Variants in PIN4 observed in about 807,000 individuals in gnomAD.
The protein encoded by PIN4 is peptidyl-prolyl cis-trans isomerase NIMA-interacting 4.
Under a neutral mutation model 8.3 loss-of-function variants are expected in PIN4, and 3 were observed. The ratio of observed to expected loss-of-function variants is 0.36; its 90% CI spans 0.16 to 0.93. PIN4 has a LOEUF of 0.93. Among genes scored for constraint, PIN4 ranks in the 40% least tolerant of loss-of-function variants. PIN4 has a pLI of 0.44. For synonymous variants in PIN4, 18 were observed against 32.5 expected, an observed-to-expected ratio of 0.55 and a Z score of 1.52; for missense variants, 75 against 100.6, an observed-to-expected ratio of 0.75 and a Z score of 1.09.
At chrX:72,262,103 C>T (rs1055316344) in intron 3 of PIN4, among the ~76,000 whole-genome samples, 1 of 111,878 alleles carries the variant, frequency 8.9e-6, no homozygotes. Context: ...AAGAGCACCT[C>T]GTGCTTCCCT....
At chrX:72,239,765 C>A (rs185945629) in intron 3 of PIN4, among the ~76,000 whole-genome samples, 1,405 of 84,509 alleles carry the variant, frequency 0.017, 16 homozygotes, top group Non-Finnish European at 0.024. Context: ...AAGCGAGACT[C>A]CATCTCAAAA....
At chrX:72,249,174 A>G (rs2043078145) in intron 3 of PIN4, among the ~76,000 whole-genome samples, 1 of 112,612 alleles carries the variant, frequency 8.9e-6, no homozygotes, top group African/African-American at 3.2e-5. Context: ...CTCATGAGAC[A>G]GGATATATGA....
At position 72,207,945 on chromosome X, in the gene PIN4, A is replaced by G. The variant is rs768633896; in HGVS notation, c.312+11041A>G. 5 of 1,209,891 alleles carry G rather than the reference A, an allele frequency of 4.1e-6. No individual in the cohort carries two copies. The East Asian group carries it at 8.9e-5, about 21-fold the overall frequency. Reference sequence around the variant, plus strand: ...ATGTTCCCAGCAGGGACCCTTGACAAGCAAAATCAAATAGGGACCATAGTT... The same window carrying G: ...ATGTTCCCAGCAGGGACCCTTGACAGGCAAAATCAAATAGGGACCATAGTT... On this transcript the variant is annotated intron_variant, in intron 3 of 3. Coordinates refer to the PIN4 transcript ENST00000423432.
intron 3 of PIN4, among the ~76,000 whole-genome samples, chrX:72,226,976 A>T (rs759015482): frequency 5.4e-5 from 6 of 112,025 alleles, no homozygotes; most frequent in Non-Finnish European, 1.1e-4. Context: ...GCCATTTCCC[A>T]TCAATGTTCT....
In PIN4 at chrX:72,245,862, T is replaced by A. The variant is rs372756319; in HGVS notation, c.313-16845T>A. Among the ~76,000 whole-genome samples, 6 of 111,768 alleles carry A rather than the reference T, an allele frequency of 5.4e-5. No homozygotes were observed. The East Asian group carries it at 1.7e-3, about 32-fold the overall frequency. Reference sequence around the variant, plus strand: ...TCTTTGCCCTAAGTTTCACAGTCTTTGATGAAAGCCTTCTAAACCTGCCTT... The same window carrying A: ...TCTTTGCCCTAAGTTTCACAGTCTTAGATGAAAGCCTTCTAAACCTGCCTT... On this transcript the variant is annotated intron_variant, in intron 3 of 3. Transcript: ENST00000423432.
intron 3 of PIN4, 177 bp from the exon 4 acceptor site, chrX:72,197,191 T>C (rs1432119010): frequency 4.3e-6 from 2 of 464,172 alleles, no homozygotes; most frequent in Non-Finnish European, 7.4e-6. Context: ...AGAGTACTTA[T>C]GTGTTCAGTC....
chrX:72,223,118 C>T (rs2042934163), intron 3 of PIN4, among the ~76,000 whole-genome samples: 1 of 100,078 alleles, frequency 1.0e-5, no homozygotes, highest in Non-Finnish European at 2.0e-5. Flanking sequence ...AGGCGGATCA[C>T]GAGGTCAAGA....
At chrX:72,261,307 A>C (rs1232000756) in intron 3 of PIN4, among the ~76,000 whole-genome samples, 3 of 109,029 alleles carry the variant, frequency 2.8e-5, no homozygotes, top group Non-Finnish European at 5.7e-5. Flanking sequence ...AAAAAAAAAA[A>C]AAAAAAAACC....
intron 3 of PIN4, among the ~76,000 whole-genome samples, chrX:72,241,416 C>T (rs1053567528): frequency 2.7e-5 from 3 of 111,901 alleles, no homozygotes; most frequent in African/African-American, 9.8e-5. Flanking sequence ...AGCAACAAGG[C>T]ACCATCTTGG....
intron 3 of PIN4, among the ~76,000 whole-genome samples, chrX:72,258,007 G>A (rs1270372518): frequency 5.4e-5 from 6 of 111,519 alleles, no homozygotes; most frequent in Non-Finnish European, 9.4e-5. Context: ...GGCTCTGTTA[G>A]GCAGAAAAGA....
At chrX:72,263,757 CCCA>C (rs2043148824) in exon 4 of PIN4, 5 of 111,346 alleles carry the variant, frequency 4.5e-5, no homozygotes, top group Middle Eastern at 4.6e-3. Context: ...TGGAGGAGTG[CCCA>C]TGTGAGGGGT....
chrX:72,232,911 TG>T (rs779584997), intron 3 of PIN4, among the ~76,000 whole-genome samples: 1 of 110,570 alleles, frequency 9.0e-6, no homozygotes, highest in East Asian at 2.8e-4. Flanking sequence ...AAGACCAGCC[TG>T]GGCAACATAG....
At chrX:72,185,332 A>G (rs1221177530) in intron 1 of PIN4, among the ~76,000 whole-genome samples, 2 of 108,880 alleles carry the variant, frequency 1.8e-5, no homozygotes, top group African/African-American at 3.3e-5. Context: ...TACACATACC[A>G]TGTCGTTTCC....
At chrX:72,234,124 A>G (rs774181798) in intron 3 of PIN4, among the ~76,000 whole-genome samples, 1 of 111,916 alleles carries the variant, frequency 8.9e-6, no homozygotes, top group African/African-American at 3.2e-5. Context: ...AAAAAAAAGA[A>G]TATGTTCTTT....
At chrX:72,236,745 C>T (rs1195149064) in intron 3 of PIN4, among the ~76,000 whole-genome samples, 1 of 112,026 alleles carries the variant, frequency 8.9e-6, no homozygotes, top group Non-Finnish European at 1.9e-5. Flanking sequence ...TTGAATGACA[C>T]TGGTTCATTC....
At chrX:72,222,839 A>G (rs7051881) in intron 3 of PIN4, among the ~76,000 whole-genome samples, 43,552 of 103,445 alleles carry the variant, frequency 0.42, 8,795 homozygotes, top group East Asian at 0.98. Flanking sequence ...CTCGTGATCC[A>G]CCCGCCTCGG....
chrX:72,259,728 T>C (rs1334248293), intron 3 of PIN4, among the ~76,000 whole-genome samples: 3 of 87,766 alleles, frequency 3.4e-5, no homozygotes, highest in Admixed American at 1.3e-4. Flanking sequence ...CATATCCTTT[T>C]TTTTTTTTTT....
At chrX:72,194,671 C>T (rs765582582) in intron 2 of PIN4, among the ~76,000 whole-genome samples, 20 of 99,338 alleles carry the variant, frequency 2.0e-4, no homozygotes, top group Non-Finnish European at 2.6e-4. Context: ...CATTGCACTC[C>T]AGCCTGGGCA....
chrX:72,245,345 T>C lies in PIN4; in HGVS notation c.313-17362T>C, dbSNP rs1430807844. ...CACCACATCCACCTAATTTTTTTAA[T>C]ACTTTGTAGAGACAGAGTCTTGCTA... On this transcript the variant is annotated intron_variant, in intron 3 of 3. Coordinates refer to the PIN4 transcript ENST00000423432. Among the ~76,000 whole-genome samples, 6 of 110,274 alleles carry C rather than the reference T, an allele frequency of 5.4e-5. No homozygotes were observed. In the East Asian group the frequency reaches 1.4e-3, roughly 26 times the overall value.
Sources: gnomAD v4.1 joint callset for allele counts (sites outside exome capture counted in the v4.1 genomes callset) on GRCh38, gnomAD v4.1.1 for gene constraint, MANE v1.5 for transcripts, NCBI Gene and HGNC (gene_info 2026-07-23, HGNC 2026-07-21) for gene names.